Variants in C1orf159 observed in about 807,000 individuals in gnomAD.
The protein encoded by C1orf159 is uncharacterized protein C1orf159.
C1orf159 carries 19 observed loss-of-function variants against 25.6 expected under a neutral mutation model. The ratio of observed to expected loss-of-function variants is 0.74; its 90% CI spans 0.52 to 1.09. C1orf159 has a LOEUF of 1.09. Among genes scored for constraint, C1orf159 ranks in the 50% least tolerant of loss-of-function variants. The probability of loss-of-function intolerance (pLI) is 0.00; values close to 1 mark genes in which losing one functional copy is unlikely to be tolerated. For synonymous variants in C1orf159, 139 were observed against 124.7 expected (o/e 1.12, Z -0.77); for missense variants, 274 against 290.6 (o/e 0.94, Z 0.42).
intron 9 of C1orf159, chr1:1,083,826 T>G: frequency 6.4e-6 from 8 of 1,243,756 alleles, no homozygotes; most frequent in Non-Finnish European, 9.1e-6. Flanking sequence ...GGAGGCCGGG[T>G]GAGCCCTGCT....
At chr1:1,090,741 T>C (rs1160677529) in intron 3 of C1orf159, 4 of 829,578 alleles carry the variant, frequency 4.8e-6, no homozygotes, top group Non-Finnish European at 8.0e-6. Flanking sequence ...TCTCTGCAAG[T>C]CTCCGGAGGC....
intron 1 of C1orf159, among the ~76,000 whole-genome samples, chr1:1,102,614 TAAAA>T (rs1170365187): frequency 9.4e-4 from 32 of 34,114 alleles, no homozygotes; most frequent in African/African-American, 2.9e-3. Context: ...CTGTCTCTAC[TAAAA>T]AAAAAAAAAA....
At chr1:1,104,312 G>A (rs999706084) in intron 1 of C1orf159, among the ~76,000 whole-genome samples, 6 of 152,196 alleles carry the variant, frequency 3.9e-5, no homozygotes, top group East Asian at 1.9e-4. Flanking sequence ...CTATCAGTGC[G>A]TTAGTCACCC....
rs1646237387 is a variant in C1orf159, at chr1:1,110,126, C to T, written c.-136+5934G>A. Among the ~76,000 whole-genome samples the T allele has an allele frequency of 1.3e-5, 2 of 152,312 alleles. No individual in the cohort carries two copies. The highest frequency in any genetic ancestry group is 2.4e-5 in the African/African-American group (1 of 41,556). On this transcript the variant is annotated intron_variant, in intron 1 of 9. Coordinates refer to ENST00000421241, the MANE Select transcript of C1orf159 (RefSeq NM_017891.5). This position sits in a 1 kb window ranked among gnomAD's most constrained non-coding sequence, Gnocchi z 4.8. ...ACGGCCTTAGGTCCTGATTATAACT[C>T]GGCGTCTTATTGCCGCAGAGTCTGT...
At chr1:1,103,041 C>A (rs1337841081) in intron 1 of C1orf159, among the ~76,000 whole-genome samples, 3 of 151,966 alleles carry the variant, frequency 2.0e-5, no homozygotes, top group African/African-American at 4.8e-5. Flanking sequence ...CGGGGTTTCA[C>A]CATGTTGGTC....
At chr1:1,086,655 C>T (rs955301446) in intron 6 of C1orf159, among the ~76,000 whole-genome samples, 5 of 152,216 alleles carry the variant, frequency 3.3e-5, no homozygotes, top group African/African-American at 1.2e-4. Context: ...CCAGGCCAAC[C>T]CCACCCTAAA....
At chr1:1,091,358 G>T in intron 3 of C1orf159, 114 bp downstream of exon 3, 1 of 1,032,602 alleles carries the variant, frequency 9.7e-7, no homozygotes, top group Non-Finnish European at 1.5e-6. Flanking sequence ...CACCTCTGGG[G>T]CTGGGACATC....
At chr1:1,100,451 C>T (rs1196418666) in intron 1 of C1orf159, among the ~76,000 whole-genome samples, 2 of 152,118 alleles carry the variant, frequency 1.3e-5, no homozygotes, top group Non-Finnish European at 2.9e-5. Context: ...CACAGCCTTA[C>T]CCTCAGCATC....
intron 1 of C1orf159, among the ~76,000 whole-genome samples, chr1:1,098,320 C>G (rs1646037805): frequency 6.6e-6 from 1 of 152,104 alleles, no homozygotes; most frequent in Non-Finnish European, 1.5e-5. Flanking sequence ...CCACCCACCT[C>G]GACCTCCCAA....
At chr1:1,085,598 C>T (rs1645816224) in intron 7 of C1orf159, among the ~76,000 whole-genome samples, 1 of 152,230 alleles carries the variant, frequency 6.6e-6, no homozygotes, top group African/African-American at 2.4e-5. Flanking sequence ...CCCTGAGGGC[C>T]CCGGGGAGAC....
At position 1,104,323 on chromosome 1, in the gene C1orf159, C is replaced by A. The variant is rs186314032; in HGVS notation, c.-136+11737G>T. Among the ~76,000 whole-genome samples the A allele has an allele frequency of 2.3e-4, 35 of 152,332 alleles. No homozygotes were observed. In the East Asian group the frequency reaches 6.7e-3, roughly 29 times the overall value. ...CTTTCTATCAGTGCGTTAGTCACCC[C>A]ACACTATCATGTGGGGACTGTGGCT... is the stretch of plus-strand genomic sequence containing the variant. On this transcript the variant is annotated intron_variant, in intron 1 of 9. Coordinates refer to ENST00000421241, the MANE Select transcript of C1orf159 (RefSeq NM_017891.5).
chr1:1,091,738 A>G (rs1452027343), intron 2 of C1orf159, 173 bp from the exon 3 acceptor site: 4 of 154,640 alleles, frequency 2.6e-5, no homozygotes, highest in South Asian at 2.0e-4. Context: ...GCCAAATGGA[A>G]GTGGGCGGGG....
chr1:1,090,531 C>G, intron 3 of C1orf159, 103 bp from the exon 4 acceptor site: 1 of 1,205,668 alleles, frequency 8.3e-7, no homozygotes, highest in Non-Finnish European at 1.2e-6. Flanking sequence ...ATCTCAATGT[C>G]CGCAGCTCCG....
At chr1:1,104,248 A>G (rs1234322083) in intron 1 of C1orf159, among the ~76,000 whole-genome samples, 1 of 152,156 alleles carries the variant, frequency 6.6e-6, no homozygotes, top group Admixed American at 6.5e-5. Context: ...CTGCCTCCCA[A>G]AGTGCTGGGA....
chr1:1,102,109 G>A (rs184668215), intron 1 of C1orf159, among the ~76,000 whole-genome samples: 40 of 145,516 alleles, frequency 2.7e-4, no homozygotes, highest in African/African-American at 8.6e-4. Context: ...AACTTTTGAA[G>A]TGATGGGTCC....
At chr1:1,114,105 C>T (rs761578288) in intron 1 of C1orf159, among the ~76,000 whole-genome samples, 116 of 152,054 alleles carry the variant, frequency 7.6e-4, no homozygotes, top group Non-Finnish European at 1.4e-3. Flanking sequence ...TTATCAGAGA[C>T]GGGGTTTCAC....
chr1:1,094,821 A>G (rs146739664), intron 1 of C1orf159, among the ~76,000 whole-genome samples: 72 of 152,326 alleles, frequency 4.7e-4, no homozygotes, highest in African/African-American at 1.7e-3. Flanking sequence ...TTTATGTCCT[A>G]AGAAATCTCT....
At chr1:1,107,031 G>A (rs895824080) in intron 1 of C1orf159, among the ~76,000 whole-genome samples, 2 of 152,164 alleles carry the variant, frequency 1.3e-5, no homozygotes, top group African/African-American at 2.4e-5. Context: ...TGCCATGCCC[G>A]AGGCCCCCCG....
At chr1:1,085,319 C>T (rs1400869115) in intron 7 of C1orf159, 10 of 404,554 alleles carry the variant, frequency 2.5e-5, no homozygotes, top group South Asian at 1.7e-5. Context: ...CCCTGGACAA[C>T]GAGGGCAGGC....
Sources: gnomAD v4.1 joint callset for allele counts (sites outside exome capture counted in the v4.1 genomes callset) on GRCh38, gnomAD v4.1.1 for gene constraint, Gnocchi (gnomAD v3.1) non-coding constraint, MANE v1.5 for transcripts, NCBI Gene and HGNC (gene_info 2026-07-23, HGNC 2026-07-21) for gene names.